The following MED13L variants were observed in gnomAD, a reference collection of about 807,000 sequenced individuals.
The protein encoded by MED13L is mediator complex subunit 13L.
MED13L carries 7 observed loss-of-function variants against 220.9 expected under a neutral mutation model. The ratio of observed to expected loss-of-function variants is 0.03; its 90% CI spans 0.02 to 0.06. The LOEUF (loss-of-function observed/expected upper bound fraction) is 0.06. Among genes scored for constraint, MED13L ranks in the 10% least tolerant of loss-of-function variants. MED13L has a pLI of 1.00. For missense variants in MED13L, 1,965 were observed against 2,760.5 expected (o/e 0.71, Z 6.46); for synonymous variants, 1,011 against 1,015.2 (o/e 1.00, Z 0.08).
chr12:116,028,679 C>T (rs961603017), intron 4 of MED13L, among the ~76,000 whole-genome samples: 1 of 152,156 alleles, frequency 6.6e-6, no homozygotes, highest in Non-Finnish European at 1.5e-5. Context: ...AAGATACTAT[C>T]AAATGAATAC....
rs140094168 is a variant in MED13L at position 116,018,574 on chromosome 12, A to G, written c.1009+650T>C. Among the ~76,000 whole-genome samples, 509 of 152,320 alleles carry G rather than the reference A, an allele frequency of 3.3e-3. 6 individuals carry two copies. Among genetic ancestry groups the G allele is most frequent in the Middle Eastern group, 0.02 (6 of 294 alleles). ...CCACAGTTCTAATTAAAGTGAGGTC[A>G]ACTACAACAATAACAAAGTTAATAT... On this transcript the variant is annotated intron_variant, in intron 7 of 30. Coordinates refer to ENST00000281928, the MANE Select transcript of MED13L (RefSeq NM_015335.5).
intron 2 of MED13L, among the ~76,000 whole-genome samples, chr12:116,196,494 T>G (rs529521887): frequency 6.6e-6 from 1 of 152,332 alleles, no homozygotes; most frequent in East Asian, 1.9e-4. Flanking sequence ...GAGTGCTTTC[T>G]TTCCAAAACG....
At chr12:115,965,316 T>C (rs1186996843) in intron 29 of MED13L, among the ~76,000 whole-genome samples, 1 of 152,240 alleles carries the variant, frequency 6.6e-6, no homozygotes, top group African/African-American at 2.4e-5. Context: ...TGATGACACT[T>C]AGGTTCTTTC....
In MED13L at chr12:116,181,530, G is replaced by A. The variant is rs181117591; in HGVS notation, c.310+55938C>T. On this transcript the variant is annotated intron_variant, in intron 2 of 30. Coordinates refer to ENST00000281928, the MANE Select transcript of MED13L (RefSeq NM_015335.5). ...TTGTTTTTTTGTTTTGTTTTGAGAC[G>A]GCATTTCACTCTTGTTGCCCAGGAT... Among the ~76,000 whole-genome samples the A allele has an allele frequency of 6.0e-3, 917 of 151,858 alleles. 17 individuals carry two copies. The highest frequency in any genetic ancestry group is 5.2e-3 in the Non-Finnish European group (355 of 67,940).
rs1872438910 is a variant in MED13L, at chr12:116,260,599, A to T, written c.72+16461T>A. Among the ~76,000 whole-genome samples, 5 of 152,204 alleles carry T rather than the reference A, an allele frequency of 3.3e-5. No homozygotes were observed. The South Asian group carries it at 1.0e-3, about 31-fold the overall frequency. On this transcript the variant is annotated intron_variant, in intron 1 of 30. Transcript: ENST00000281928. ...CAGAAAGCTAAGTGTCACGGAAACA[A>T]AGAATAGAATGATAGGAACAAAAAT...
At chr12:116,210,159 C>T (rs932843170) in intron 2 of MED13L, among the ~76,000 whole-genome samples, 10 of 152,140 alleles carry the variant, frequency 6.6e-5, no homozygotes, top group Non-Finnish European at 1.3e-4. Context: ...ACTCAGTTAG[C>T]AGAGGCACCC....
chr12:115,972,851 TA>T (rs917347395), intron 25 of MED13L, among the ~76,000 whole-genome samples: 2 of 152,154 alleles, frequency 1.3e-5, no homozygotes, highest in African/African-American at 4.8e-5. Context: ...ACAAAAGCAT[TA>T]TACCTAACTG....
intron 4 of MED13L, among the ~76,000 whole-genome samples, chr12:116,084,549 G>A (rs527671798): frequency 6.6e-6 from 1 of 152,158 alleles, no homozygotes; most frequent in African/African-American, 2.4e-5. Flanking sequence ...ATTTATTCAA[G>A]AACACAACAA....
At chr12:116,147,880 G>GT (rs1252281071) in intron 2 of MED13L, among the ~76,000 whole-genome samples, 7 of 151,152 alleles carry the variant, frequency 4.6e-5, no homozygotes, top group South Asian at 2.1e-4. Flanking sequence ...AAAAGATGAG[G>GT]TTTTTTTAAC....
chr12:116,160,025 T>C (rs534559871), intron 2 of MED13L, among the ~76,000 whole-genome samples: 1 of 152,340 alleles, frequency 6.6e-6, no homozygotes, highest in African/African-American at 2.4e-5. Context: ...GCAGACCCTG[T>C]GATTTCTTCT....
intron 1 of MED13L, 111 bp from the exon 2 acceptor site, chr12:116,237,816 TTCATA>T (rs1486957144): frequency 1.9e-5 from 18 of 955,584 alleles, no homozygotes; most frequent in Non-Finnish European, 2.3e-5. Flanking sequence ...TACACGAAAC[TTCATA>T]TCATAAGATT....
intron 4 of MED13L, among the ~76,000 whole-genome samples, chr12:116,095,801 T>G (rs1872590936): frequency 1.3e-5 from 2 of 152,166 alleles, no homozygotes. Context: ...CAAAGTAAAT[T>G]TTAAATTCTG....
At chr12:116,022,658 A>C in intron 4 of MED13L, 57 bp from the exon 5 acceptor site, 1 of 1,549,368 alleles carries the variant, frequency 6.5e-7, no homozygotes, top group Non-Finnish European at 8.8e-7. Context: ...AGGGTGCTAG[A>C]AACAGGAACT....
At chr12:116,082,734 G>GACT (rs1229463284) in intron 4 of MED13L, 4 of 151,938 alleles carry the variant, frequency 2.6e-5, no homozygotes, top group Admixed American at 1.3e-4. Flanking sequence ...ATTGAAAATG[G>GACT]ACTACCACAC....
At chr12:116,186,469 CTT>C (rs892250384) in intron 2 of MED13L, among the ~76,000 whole-genome samples, 1 of 151,632 alleles carries the variant, frequency 6.6e-6, no homozygotes, top group Non-Finnish European at 1.5e-5. Flanking sequence ...ACACAGCAAA[CTT>C]TTTTTTTCCA....
rs1487729690 is a variant in MED13L, at chr12:116,008,657, C to T, written c.1756G>A (p.Gly586Arg). The T allele has an allele frequency of 6.2e-7, 1 of 1,614,062 alleles. No individual in the cohort carries two copies. The highest frequency in any genetic ancestry group is 2.2e-5 in the East Asian group (1 of 44,842). ...VPVNPALYGN[G>R]LELQQLSTLD... Reference sequence around the variant, plus strand: ...GTAGACAACTGCTGGAGTTCTAGTCCATTTCCATAAAGGGCTGGATTCACA... The same window carrying T: ...GTAGACAACTGCTGGAGTTCTAGTCTATTTCCATAAAGGGCTGGATTCACA... Residue 586 changes from glycine to arginine, a missense_variant, in exon 10 of 31, where the codon GGA (glycine) becomes AGA (arginine). Physicochemically the swap from Gly to Arg is moderately radical, Grantham distance 125. Coordinates refer to ENST00000281928, the MANE Select transcript of MED13L (RefSeq NM_015335.5).
At chr12:116,119,809 TAAAAAAAAAAAAAA>T (rs57622950) in intron 2 of MED13L, among the ~76,000 whole-genome samples, 40 of 38,780 alleles carry the variant, frequency 1.0e-3, no homozygotes, top group African/African-American at 2.9e-3. Context: ...CCCATATCTT[TAAAAAAAAAAAAAA>T]AAAAAAAAAA....
chr12:116,067,651 G>C (rs1203669315), intron 4 of MED13L, among the ~76,000 whole-genome samples: 8 of 152,150 alleles, frequency 5.3e-5, no homozygotes, highest in Non-Finnish European at 1.5e-5. Flanking sequence ...TTATTCATTA[G>C]AGTAATGATG....
At chr12:116,276,354 GGA>G in intron 1 of MED13L, 8 of 695,408 alleles carry the variant, frequency 1.2e-5, no homozygotes, top group Non-Finnish European at 1.7e-5. Flanking sequence ...GTGTGTGTGC[GGA>G]TTCGTTGTTA....
Sources: allele counts gnomAD v4.1 joint callset (sites outside exome capture counted in the v4.1 genomes callset), GRCh38; gene constraint gnomAD v4.1.1; transcripts MANE v1.5; gene names NCBI Gene and HGNC (gene_info 2026-07-23, HGNC 2026-07-21).